PTN: variants seen among roughly 807,000 people sequenced by gnomAD.
The protein encoded by PTN is heparin affin regulatory protein.
PTN carries 18 observed loss-of-function variants against 24.1 expected under a neutral mutation model. The ratio of observed to expected loss-of-function variants is 0.75; its 90% CI spans 0.52 to 1.11. The LOEUF (loss-of-function observed/expected upper bound fraction) is 1.11. Among genes scored for constraint, PTN ranks in the 50% least tolerant of loss-of-function variants. The pLI is 0.00. For missense variants in PTN, 163 were observed against 198.8 expected (o/e 0.82, Z 1.08); for synonymous variants, 78 against 68.6 (o/e 1.14, Z -0.67).
At chr7:137,255,074 GA>G in intron 1 of PTN, 100 bp from the exon 2 acceptor site, 1 of 725,572 alleles carries the variant, frequency 1.4e-6, no homozygotes. Context: ...TCCATTTCTG[GA>G]ATGTTAGATT....
chr7:137,237,771 G>A (rs976272712), intron 4 of PTN, among the ~76,000 whole-genome samples: 1 of 151,892 alleles, frequency 6.6e-6, no homozygotes, highest in African/African-American at 2.4e-5. Context: ...GCAGCAAAAG[G>A]TAGATCTGAA....
At chr7:137,277,530 T>C (rs1465251024) in intron 1 of PTN, among the ~76,000 whole-genome samples, 1 of 152,188 alleles carries the variant, frequency 6.6e-6, no homozygotes, top group Admixed American at 6.5e-5. Flanking sequence ...GGTACATTGA[T>C]GAATAAATTG....
In PTN at chr7:137,290,235, C is replaced by T. The variant is rs571302965; in HGVS notation, c.-1-35261G>A. The stretch of plus-strand genomic sequence containing the variant: ...CCCCCATGATTGAATTACCTCCCAC[C>T]AGGTCCCTCCCGCAACATGTGGGAA... On this transcript the variant is annotated intron_variant, in intron 1 of 4. Transcript: ENST00000348225. Among the ~76,000 whole-genome samples the T allele has an allele frequency of 7.8e-4, 119 of 152,238 alleles. 1 individual carries two copies. The highest frequency in any genetic ancestry group is 2.8e-3 in the African/African-American group (115 of 41,562).
At chr7:137,238,354 G>A (rs566226413) in intron 4 of PTN, among the ~76,000 whole-genome samples, 20 of 152,216 alleles carry the variant, frequency 1.3e-4, no homozygotes, top group African/African-American at 4.1e-4. Context: ...CTTGCTGTTC[G>A]CCCTTACTCT....
intron 1 of PTN, among the ~76,000 whole-genome samples, chr7:137,311,136 G>T (rs1023614220): frequency 6.6e-6 from 1 of 151,652 alleles, no homozygotes; most frequent in Non-Finnish European, 1.5e-5. Flanking sequence ...AGAGGCTGAG[G>T]CATGAGAACT....
chr7:137,274,417 T>G (rs1335143713), intron 1 of PTN, among the ~76,000 whole-genome samples: 1 of 152,008 alleles, frequency 6.6e-6, no homozygotes, highest in African/African-American at 2.4e-5. Flanking sequence ...GAACATGCGG[T>G]TTTGTTACAT....
At chr7:137,231,351 C>A (rs1054613720) in intron 4 of PTN, among the ~76,000 whole-genome samples, 1 of 151,802 alleles carries the variant, frequency 6.6e-6, no homozygotes, top group African/African-American at 2.4e-5. Context: ...TGTTCCTTCT[C>A]CTACTACCCC....
chr7:137,267,319 TCTCTTTC>T (rs1809171332), intron 1 of PTN, among the ~76,000 whole-genome samples: 1 of 151,318 alleles, frequency 6.6e-6, no homozygotes, highest in Non-Finnish European at 1.5e-5. Flanking sequence ...CCTCTTTTTC[TCTCTTTC>T]CTCTCTTTCT....
In PTN at chr7:137,296,541, T is replaced by C. The variant is rs149641306; in HGVS notation, c.-1-41567A>G. Among the ~76,000 whole-genome samples, 435 of 152,134 alleles carry C rather than the reference T, an allele frequency of 2.9e-3. 3 individuals carry two copies. The highest frequency in any genetic ancestry group is 9.6e-3 in the African/African-American group (398 of 41,534). The stretch of plus-strand genomic sequence containing the variant: ...AGATCACTTTAATATTATCTGCCTT[T>C]CCAATGAGTATTCCCTCCTAGGCTC... On this transcript the variant is annotated intron_variant, in intron 1 of 4. Transcript: ENST00000348225.
chr7:137,291,103 A>C (rs941652827), intron 1 of PTN, among the ~76,000 whole-genome samples: 1 of 152,166 alleles, frequency 6.6e-6, no homozygotes, highest in African/African-American at 2.4e-5. Context: ...AAATTGTGAT[A>C]TATATTTATT....
At chr7:137,254,776 G>C (rs1808890539) in intron 2 of PTN, 83 bp downstream of exon 2, 1 of 878,766 alleles carries the variant, frequency 1.1e-6, no homozygotes, top group Admixed American at 2.6e-5. Context: ...AGGCAGAGTA[G>C]AAGAGAGGAA....
chr7:137,307,939 A>G (rs1034302344), intron 1 of PTN, among the ~76,000 whole-genome samples: 14 of 152,098 alleles, frequency 9.2e-5, no homozygotes, highest in East Asian at 1.9e-4. Flanking sequence ...AGGATATTAC[A>G]AGATTTTCTT....
intron 1 of PTN, among the ~76,000 whole-genome samples, chr7:137,332,343 T>G (rs1810372895): frequency 6.6e-6 from 1 of 152,146 alleles, no homozygotes; most frequent in African/African-American, 2.4e-5. Flanking sequence ...AATAATGTGT[T>G]TCTTCAGGTA....
chr7:137,324,989 A>G (rs1810234330), intron 1 of PTN, among the ~76,000 whole-genome samples: 1 of 152,314 alleles, frequency 6.6e-6, no homozygotes, highest in East Asian at 1.9e-4. Context: ...CAGATAAAAG[A>G]GTTTTAATTG....
intron 4 of PTN, among the ~76,000 whole-genome samples, chr7:137,228,932 G>A (rs1020801412): frequency 6.6e-6 from 1 of 151,776 alleles, no homozygotes; most frequent in Non-Finnish European, 1.5e-5. Flanking sequence ...CCATAGTAGT[G>A]GCAGAAATAT....
At chr7:137,297,469 A>C (rs1301191128) in intron 1 of PTN, among the ~76,000 whole-genome samples, 1 of 152,102 alleles carries the variant, frequency 6.6e-6, no homozygotes, top group African/African-American at 2.4e-5. Flanking sequence ...GCATGAGCTG[A>C]GTTAAGGAAT....
chr7:137,304,842 G>C (rs1226436002), intron 1 of PTN, among the ~76,000 whole-genome samples: 1 of 151,950 alleles, frequency 6.6e-6, no homozygotes, highest in East Asian at 1.9e-4. Flanking sequence ...CGCTGTTTGG[G>C]AGCTGACAGA....
intron 1 of PTN, among the ~76,000 whole-genome samples, chr7:137,262,378 T>A (rs1030973806): frequency 2.0e-5 from 3 of 152,140 alleles, no homozygotes; most frequent in Non-Finnish European, 2.9e-5. Context: ...TAAAATAGAT[T>A]TCTTATCATT....
chr7:137,247,086 T>C (rs1421556755), intron 4 of PTN, among the ~76,000 whole-genome samples: 1 of 152,210 alleles, frequency 6.6e-6, no homozygotes, highest in African/African-American at 2.4e-5. Context: ...AAAATGTTGA[T>C]GATGTACTCT....
Sources: gnomAD v4.1 joint callset for allele counts (sites outside exome capture counted in the v4.1 genomes callset) on GRCh38, gnomAD v4.1.1 for gene constraint, MANE v1.5 for transcripts, NCBI Gene and HGNC (gene_info 2026-07-23, HGNC 2026-07-21) for gene names.